The following PCCA variants were observed in gnomAD, a reference collection of about 807,000 sequenced individuals.
The protein encoded by PCCA is propionyl-CoA carboxylase alpha chain, mitochondrial.
In PCCA, 74 loss-of-function variants were observed where a neutral mutation model predicts 101.3. The ratio of observed to expected loss-of-function variants is 0.73; its 90% CI spans 0.61 to 0.89. PCCA has a LOEUF of 0.89. Ranked by LOEUF, PCCA falls within the 40% of genes least tolerant of loss-of-function variation. The probability of loss-of-function intolerance (pLI) is 0.00; values close to 1 mark genes in which losing one functional copy is unlikely to be tolerated. For synonymous variants in PCCA, 294 were observed against 313.6 expected, an observed-to-expected ratio of 0.94 and a Z score of 0.66; for missense variants, 891 against 907.0, an observed-to-expected ratio of 0.98 and a Z score of 0.23.
intron 18 of PCCA, among the ~76,000 whole-genome samples, chr13:100,364,381 ATCTG>A (rs757623825): frequency 2.0e-4 from 30 of 152,324 alleles, no homozygotes; most frequent in Non-Finnish European, 3.2e-4. Flanking sequence ...ACTATCATAA[ATCTG>A]TCTGTGCTGG....
At chr13:100,340,343 T>G in intron 18 of PCCA, 84 bp downstream of exon 18, 1 of 787,550 alleles carries the variant, frequency 1.3e-6, no homozygotes, top group Non-Finnish European at 2.3e-6. Flanking sequence ...ATAAAAGATG[T>G]GGCTGATCTC....
chr13:100,102,114 G>C (rs79923528), intron 1 of PCCA, among the ~76,000 whole-genome samples: 1 of 151,788 alleles, frequency 6.6e-6, no homozygotes, highest in African/African-American at 2.4e-5. Flanking sequence ...CTGTCTCTCT[G>C]TATCTCTCTA....
intron 6 of PCCA, 142 bp downstream of exon 6, chr13:100,157,482 G>A: frequency 1.5e-6 from 1 of 662,968 alleles, no homozygotes; most frequent in Non-Finnish European, 2.7e-6. Flanking sequence ...AAGTGAAGTG[G>A]TTTTAGTCTG....
chr13:100,354,340 G>C (rs1466771940), intron 18 of PCCA, among the ~76,000 whole-genome samples: 2 of 110,562 alleles, frequency 1.8e-5, no homozygotes, highest in Admixed American at 9.1e-5. Flanking sequence ...AGAGGGGGCG[G>C]TGGGAGGAGG....
chr13:100,251,330 T>G (rs2061740795), intron 8 of PCCA, among the ~76,000 whole-genome samples: 1 of 152,222 alleles, frequency 6.6e-6, no homozygotes, highest in African/African-American at 2.4e-5. Context: ...CAGGTTACAG[T>G]CTGAATGTTC....
At chr13:100,492,203 C>T (rs1043901745) in intron 21 of PCCA, among the ~76,000 whole-genome samples, 6 of 151,940 alleles carry the variant, frequency 3.9e-5, no homozygotes, top group African/African-American at 7.2e-5. Flanking sequence ...GGCATGATCT[C>T]GGCTCACTGC....
chr13:100,379,432 T>C (rs2076103864), intron 19 of PCCA, among the ~76,000 whole-genome samples: 1 of 152,190 alleles, frequency 6.6e-6, no homozygotes, highest in Admixed American at 6.5e-5. Context: ...AAAACTTGTA[T>C]TGTGAAACAA....
At chr13:100,398,407 T>C (rs528983704) in intron 19 of PCCA, among the ~76,000 whole-genome samples, 1 of 152,188 alleles carries the variant, frequency 6.6e-6, no homozygotes, top group East Asian at 1.9e-4. Context: ...GTAATTAAGC[T>C]GCAATACAAA....
At chr13:100,467,218 G>A (rs1027042596) in intron 21 of PCCA, among the ~76,000 whole-genome samples, 4 of 152,164 alleles carry the variant, frequency 2.6e-5, no homozygotes, top group African/African-American at 9.7e-5. Context: ...TTGGGAGTTA[G>A]TTATTCCTGA....
At chr13:100,309,472 A>G (rs538151084) in intron 15 of PCCA, among the ~76,000 whole-genome samples, 1 of 152,302 alleles carries the variant, frequency 6.6e-6, no homozygotes, top group East Asian at 1.9e-4. Flanking sequence ...AAAAATAGGG[A>G]AAAAATGTCT....
intron 20 of PCCA, among the ~76,000 whole-genome samples, chr13:100,443,773 T>C (rs778807714): frequency 6.6e-6 from 1 of 152,120 alleles, no homozygotes; most frequent in Non-Finnish European, 1.5e-5. Flanking sequence ...AAAATTGAGA[T>C]CGTCTTTCAG....
intron 10 of PCCA, among the ~76,000 whole-genome samples, chr13:100,268,060 C>T (rs1297136126): frequency 6.6e-6 from 1 of 152,106 alleles, no homozygotes; most frequent in African/African-American, 2.4e-5. Context: ...TCGAAATGCT[C>T]CAGTGACTGT....
chr13:100,282,695 A>G (rs1248875758), intron 12 of PCCA, among the ~76,000 whole-genome samples: 2 of 152,214 alleles, frequency 1.3e-5, no homozygotes, highest in East Asian at 3.9e-4. Flanking sequence ...AGTACAAATT[A>G]CAATACTATC....
At chr13:100,175,037 C>T (rs561799120) in intron 6 of PCCA, among the ~76,000 whole-genome samples, 11 of 152,090 alleles carry the variant, frequency 7.2e-5, no homozygotes, top group Non-Finnish European at 1.5e-4. Flanking sequence ...TTATGATGAA[C>T]AGACTATAAT....
At chr13:100,272,557 A>G (rs1265512515) in intron 11 of PCCA, among the ~76,000 whole-genome samples, 1 of 152,072 alleles carries the variant, frequency 6.6e-6, no homozygotes, top group Non-Finnish European at 1.5e-5. Flanking sequence ...ATTTCACACC[A>G]TGAAATGACA....
At chr13:100,316,248 A>G (rs1267954697) in intron 16 of PCCA, among the ~76,000 whole-genome samples, 1 of 152,196 alleles carries the variant, frequency 6.6e-6, no homozygotes, top group Admixed American at 6.5e-5. Flanking sequence ...TATTTAGAAA[A>G]CATTAAAGAG....
chr13:100,342,325 G>A (rs746804620), intron 18 of PCCA, among the ~76,000 whole-genome samples: 1 of 151,158 alleles, frequency 6.6e-6, no homozygotes, highest in Non-Finnish European at 1.5e-5. Flanking sequence ...GTGCAGTGGT[G>A]CGATCTCGGC....
chr13:100,121,599 G>A (rs569847813), intron 4 of PCCA, among the ~76,000 whole-genome samples: 50 of 151,354 alleles, frequency 3.3e-4, no homozygotes, highest in African/African-American at 1.1e-3. Flanking sequence ...TTCAGCCTCC[G>A]GAATAGCTGG....
At chr13:100,509,764 A>G (rs1278309008) in intron 21 of PCCA, among the ~76,000 whole-genome samples, 2 of 152,200 alleles carry the variant, frequency 1.3e-5, no homozygotes, top group African/African-American at 2.4e-5. Flanking sequence ...GTTTCTACAC[A>G]ATTAGAGTCT....
Sources: gnomAD v4.1 joint callset for allele counts (sites outside exome capture counted in the v4.1 genomes callset) on GRCh38, gnomAD v4.1.1 for gene constraint, MANE v1.5 for transcripts, NCBI Gene and HGNC (gene_info 2026-07-23, HGNC 2026-07-21) for gene names.